Variants in PCLO observed in about 807,000 individuals in gnomAD.
The protein encoded by PCLO is protein piccolo.
In PCLO, 82 loss-of-function variants were observed where a neutral mutation model predicts 427.5. The ratio of observed to expected loss-of-function variants is 0.19; its 90% CI spans 0.16 to 0.23. The LOEUF (loss-of-function observed/expected upper bound fraction) is 0.23, where lower values mean the gene tolerates loss of function less well. PCLO is among the 10% of genes least tolerant of loss of function. PCLO has a pLI of 1.00. For synonymous variants in PCLO, 2,357 were observed against 2,155.4 expected (o/e 1.09, Z -2.59); for missense variants, 6,239 against 6,115.9 (o/e 1.02, Z -0.67).
In PCLO at chr7:82,827,886, A is replaced by G. The variant is rs550482063; in HGVS notation, c.14330T>C (p.Ile4777Thr). ...ATCTTGACATACCTGTTCCATGGAA[A>G]TACTTTTATAAATTACTGTTTGATT... ...EWNQTVIYKS[I>T]SMEQLKKKTL... The change falls in exon 17 of 25, where the codon ATT becomes ACT. Residue 4777 changes from isoleucine to threonine, a missense_variant. This residue lies in a region of PCLO where 877 missense variants were observed against 925.5 expected (regional missense o/e 0.95). Transcript: ENST00000333891. The G allele has an allele frequency of 2.6e-6, 4 of 1,568,044 alleles. No individual in the cohort carries two copies. The highest frequency in any genetic ancestry group is 4.5e-5 in the East Asian group (2 of 44,392).
At chr7:83,009,827 C>A (rs2115982115) in intron 3 of PCLO, among the ~76,000 whole-genome samples, 1 of 152,008 alleles carries the variant, frequency 6.6e-6, no homozygotes, top group East Asian at 1.9e-4. Context: ...TGTTTAAAAG[C>A]ATTCTCTAAA....
intron 9 of PCLO, among the ~76,000 whole-genome samples, chr7:82,887,911 G>C (rs753094419): frequency 6.6e-6 from 1 of 151,740 alleles, no homozygotes; most frequent in African/African-American, 2.4e-5. Flanking sequence ...CTACTAAAAA[G>C]CTACAAAAAT....
At chr7:82,931,170 G>A (rs1049116353) in intron 6 of PCLO, among the ~76,000 whole-genome samples, 3 of 151,950 alleles carry the variant, frequency 2.0e-5, no homozygotes, top group African/African-American at 7.2e-5. Flanking sequence ...ACCATATAAG[G>A]CCCAGTACTA....
At chr7:82,949,029 A>G (rs1453104248) in intron 6 of PCLO, among the ~76,000 whole-genome samples, 1 of 152,184 alleles carries the variant, frequency 6.6e-6, no homozygotes, top group Non-Finnish European at 1.5e-5. Context: ...CTAAACATCC[A>G]TGGTCTAAAT....
chr7:82,914,326 AT>A (rs1359587818), intron 7 of PCLO: 2 of 468,970 alleles, frequency 4.3e-6, no homozygotes, highest in Non-Finnish European at 3.7e-6. Context: ...TTTAAAATAT[AT>A]TTTTAAAAAT....
intron 3 of PCLO, among the ~76,000 whole-genome samples, chr7:83,075,178 G>A (rs966411999): frequency 1.6e-4 from 24 of 152,092 alleles, no homozygotes; most frequent in African/African-American, 5.3e-4. Flanking sequence ...AAAAAGACAC[G>A]TAAAAATTGA....
At chr7:82,988,485 A>G (rs2115823845) in intron 3 of PCLO, among the ~76,000 whole-genome samples, 1 of 152,316 alleles carries the variant, frequency 6.6e-6, no homozygotes, top group Non-Finnish European at 1.5e-5. Context: ...CATTCACTCT[A>G]TCAATCATCT....
chr7:82,809,415 C>T (rs1791521285), intron 20 of PCLO, among the ~76,000 whole-genome samples: 1 of 151,620 alleles, frequency 6.6e-6, no homozygotes, highest in Non-Finnish European at 1.5e-5. Context: ...TCTGTAAAGG[C>T]CTAGCTCAGA....
chr7:83,028,734 A>T (rs1788574137), intron 3 of PCLO, among the ~76,000 whole-genome samples: 1 of 151,450 alleles, frequency 6.6e-6, no homozygotes, highest in Non-Finnish European at 1.5e-5. Context: ...TAACCAAAAC[A>T]GCATGGTACT....
At chr7:82,857,298 C>T (rs1342893460) in intron 10 of PCLO, among the ~76,000 whole-genome samples, 1 of 152,070 alleles carries the variant, frequency 6.6e-6, no homozygotes, top group African/African-American at 2.4e-5. Flanking sequence ...GTAGTTGATG[C>T]ACTTAGGAAT....
chr7:82,766,223 A>G (rs1373668582), intron 22 of PCLO, among the ~76,000 whole-genome samples: 1 of 152,122 alleles, frequency 6.6e-6, no homozygotes, highest in African/African-American at 2.4e-5. Flanking sequence ...ATGAAGATTC[A>G]AGAGTCTCAG....
In PCLO at chr7:82,954,310, C is replaced by T. The variant is rs1795449457; in HGVS notation, c.6643G>A (p.Asp2215Asn). Reference sequence around the variant, plus strand: ...GAATCTTCAAATTTAGTTATCATGTCCACTGGCTCTGTATAAACTGTGGTT... The same window carrying T: ...GAATCTTCAAATTTAGTTATCATGTTCACTGGCTCTGTATAAACTGTGGTT... Reference protein sequence around the residue: ...SITTVYTEPVDMITKFEDSEE... With the variant: ...SITTVYTEPVNMITKFEDSEE... Residue 2215 changes from aspartate to asparagine, a missense_variant, in exon 5 of 25, where the codon GAC (aspartate) becomes AAC (asparagine). Transcript: ENST00000333891. 5.0e-6 allele frequency: 8 copies of T among 1,613,658 alleles called. No homozygotes were observed. The highest frequency in any genetic ancestry group is 6.8e-6 in the Non-Finnish European group (8 of 1,179,660).
chr7:83,035,165 T>G (rs955044095), intron 3 of PCLO, among the ~76,000 whole-genome samples: 1 of 152,310 alleles, frequency 6.6e-6, no homozygotes, highest in South Asian at 2.1e-4. Flanking sequence ...CACATTTGCT[T>G]CTGTTCCTGC....
intron 9 of PCLO, among the ~76,000 whole-genome samples, chr7:82,886,022 G>C (rs1793619729): frequency 6.6e-6 from 1 of 152,056 alleles, no homozygotes; most frequent in Non-Finnish European, 1.5e-5. Context: ...TCCCCATTCA[G>C]TTTTAGAGAA....
Position 82,954,588 on chromosome 7 carries a change from C to T in PCLO, c.6365G>A (p.Ser2122Asn), listed in dbSNP as rs1795459723. 8.1e-6 allele frequency: 13 copies of T among 1,613,926 alleles called. No individual in the cohort carries two copies. The highest frequency in any genetic ancestry group is 1.1e-5 in the Non-Finnish European group (13 of 1,179,866). ...SGASLTDSTS[S>N]ATLSIPDVKI... ...AACATCTGGGATAGAGAGTGTTGCA[C>T]TGCTGGTCGAATCTGTAAGAGACGC... is the stretch of plus-strand genomic sequence containing the variant. The change falls in exon 5 of 25, where the codon AGT becomes AAT. Residue 2122 changes from serine to asparagine, a missense_variant. Ser to Asn is a conservative substitution (Grantham distance 46). Transcript: ENST00000333891.
intron 22 of PCLO, among the ~76,000 whole-genome samples, chr7:82,774,976 A>G (rs931720102): frequency 1.3e-5 from 2 of 152,182 alleles, no homozygotes; most frequent in Non-Finnish European, 2.9e-5. Context: ...CTAATGTCGT[A>G]TAGTTGAAAC....
intron 21 of PCLO, among the ~76,000 whole-genome samples, chr7:82,801,849 T>C (rs1273639913): frequency 6.6e-6 from 1 of 152,140 alleles, no homozygotes; most frequent in East Asian, 1.9e-4. Context: ...CAACATTCAG[T>C]AGTTTTTATT....
rs1791677425 is a variant in PCLO, at chr7:83,134,870, G to A, written c.2680C>T (p.Gln894Ter). The A allele has an allele frequency of 6.2e-7, 1 of 1,607,090 alleles. No individual in the cohort carries two copies. The highest frequency in any genetic ancestry group is 8.5e-7 in the Non-Finnish European group (1 of 1,176,516). ...TAGQTVPTPQ[Q>*]SPKPQEQSRR... The stretch of plus-strand genomic sequence containing the variant: ...GACTGCTCCTGAGGCTTTGGGGACT[G>A]TTGAGGTGTGGGGACAGTTTGGCCA... The change falls in exon 3 of 25, where the codon CAG becomes TAG. Residue 894 changes from glutamine (Q) to a stop codon, truncating the protein, a stop_gained. Transcript: ENST00000333891. LOFTEE classifies it high-confidence loss of function.
intron 3 of PCLO, among the ~76,000 whole-genome samples, chr7:83,106,236 T>C (rs1790852245): frequency 6.6e-6 from 1 of 152,158 alleles, no homozygotes. Flanking sequence ...AAGCCTCACT[T>C]GAATGGAGTG....
Sources: gnomAD v4.1 joint callset for allele counts (sites outside exome capture counted in the v4.1 genomes callset) on GRCh38, gnomAD v4.1.1 for gene constraint, gnomAD v4.1.1 regional missense constraint, MANE v1.5 for transcripts, NCBI Gene and HGNC (gene_info 2026-07-23, HGNC 2026-07-21) for gene names.